The following BCAS3 variants were observed in gnomAD, a reference collection of about 807,000 sequenced individuals.
BCAS3 encodes the protein BCAS4/BCAS3 fusion.
A neutral mutation model predicts 116.1 loss-of-function variants in BCAS3; 53 were observed. That is an observed-to-expected ratio of 0.46 (90% CI 0.37 to 0.57). The LOEUF is 0.57. Ranked by LOEUF, BCAS3 falls within the 20% of genes least tolerant of loss-of-function variation. BCAS3 has a pLI of 0.00. For missense variants in BCAS3, 917 were observed against 1,165.4 expected (o/e 0.79, Z 3.10); for synonymous variants, 391 against 408.2 (o/e 0.96, Z 0.51).
At position 61,285,866 on chromosome 17, in the gene BCAS3, T is replaced by C. The variant is rs940186908; in HGVS notation, c.2426-82461T>C. Among the ~76,000 whole-genome samples, 6 of 152,294 alleles carry C rather than the reference T, an allele frequency of 3.9e-5. No homozygotes were observed. The highest frequency in any genetic ancestry group is 1.4e-4 in the African/African-American group (6 of 41,568). On this transcript the variant is annotated intron_variant, in intron 22 of 23. Coordinates refer to ENST00000407086, the MANE Select transcript of BCAS3 (RefSeq NM_017679.5). The surrounding 1 kb of genome is among the most constrained non-coding windows in gnomAD (Gnocchi z 5.4). ...CAGTCCCTACTTTAGGCGAATCAGC[T>C]TTAGTCCTCTAAATTCTAAAGCTCT...
At chr17:61,111,295 G>A (rs1349868456) in intron 22 of BCAS3, among the ~76,000 whole-genome samples, 9 of 151,878 alleles carry the variant, frequency 5.9e-5, no homozygotes, top group South Asian at 2.1e-4. Flanking sequence ...TCTGAGCTAC[G>A]GGAGGACATT....
rs1002039968 is a variant in BCAS3, at chr17:61,361,214, C to G, written c.2426-7113C>G. 4.0e-5 allele frequency among the ~76,000 whole-genome samples: 6 copies of G among 151,420 alleles called. No homozygotes were observed. The highest frequency in any genetic ancestry group is 1.5e-4 in the African/African-American group (6 of 41,214). On this transcript the variant is annotated intron_variant, in intron 22 of 23. Transcript: ENST00000407086. The surrounding 1 kb of genome is among the most constrained non-coding windows in gnomAD (Gnocchi z 6.5). ...GAATTAAAAAAAAAAAAAGAAAAGA[C>G]CCAGACGGAGTAGCAACTTGCCCAG...
At chr17:60,911,811 T>TA (rs2058530973) in intron 12 of BCAS3, among the ~76,000 whole-genome samples, 1 of 152,240 alleles carries the variant, frequency 6.6e-6, no homozygotes, top group Non-Finnish European at 1.5e-5. Context: ...AGTTGCAACT[T>TA]ACACAATTTA....
rs1442542613 is a variant in BCAS3, at chr17:61,362,482, C to G, written c.2426-5845C>G. 6.6e-6 allele frequency among the ~76,000 whole-genome samples: 1 copy of G among 152,204 alleles called. No individual in the cohort carries two copies. Among genetic ancestry groups the G allele is most frequent in the Non-Finnish European group, 1.5e-5 (1 of 68,042 alleles). ...CTTAAATAGCTAGAGTGTGATTAGA[C>G]ACTATCAGCTTAGAGGAGCATCCTA... is the stretch of plus-strand genomic sequence containing the variant. On this transcript the variant is annotated intron_variant, in intron 22 of 23. Transcript: ENST00000407086. This position sits in a 1 kb window ranked among gnomAD's most constrained non-coding sequence, Gnocchi z 4.4.
In BCAS3 at chr17:61,106,643, C is replaced by G. The variant is rs528334585; in HGVS notation, c.2425+22079C>G. On this transcript the variant is annotated intron_variant, in intron 22 of 23. Transcript: ENST00000407086. The surrounding 1 kb of genome is among the most constrained non-coding windows in gnomAD (Gnocchi z 4.2). ...TCCACTGGGGGTCTTGGAACGTATC[C>G]CCATAGATAAGGAGCGGGGGACAGT... Among the ~76,000 whole-genome samples, 20 of 152,178 alleles carry G rather than the reference C, an allele frequency of 1.3e-4. No individual in the cohort carries two copies. Among genetic ancestry groups the G allele is most frequent in the African/African-American group, 4.3e-4 (18 of 41,518 alleles).
At chr17:61,371,865 G>C (rs925171946) in intron 23 of BCAS3, among the ~76,000 whole-genome samples, 2 of 152,202 alleles carry the variant, frequency 1.3e-5, no homozygotes, top group African/African-American at 4.8e-5. Context: ...TGAAGTTTGA[G>C]AAGGTCAGTT....
intron 22 of BCAS3, among the ~76,000 whole-genome samples, chr17:61,138,374 A>G (rs2076755676): frequency 6.6e-6 from 1 of 152,226 alleles, no homozygotes; most frequent in Non-Finnish European, 1.5e-5. Context: ...TGGATTGAAT[A>G]AATTATCCAT....
chr17:60,768,867 G>A (rs2044370735), intron 6 of BCAS3, among the ~76,000 whole-genome samples: 1 of 152,180 alleles, frequency 6.6e-6, no homozygotes, highest in African/African-American at 2.4e-5. Flanking sequence ...AGCAGTGGTG[G>A]GCCAGGCATG....
intron 10 of BCAS3, among the ~76,000 whole-genome samples, chr17:60,899,531 T>G (rs1376534365): frequency 6.6e-6 from 1 of 152,042 alleles, no homozygotes; most frequent in East Asian, 1.9e-4. Context: ...GGAGTCTCGC[T>G]CTGTTGCCCA....
chr17:61,364,706 T>TCAAAACAAAA lies in BCAS3; in HGVS notation c.2426-3608_2426-3599dup, dbSNP rs1029301719. Among the ~76,000 whole-genome samples the TCAAAACAAAA allele has an allele frequency of 2.8e-4, 43 of 152,316 alleles. No homozygotes were observed. Among genetic ancestry groups the TCAAAACAAAA allele is most frequent in the African/African-American group, 1.0e-3 (43 of 41,570 alleles). On this transcript the variant is annotated intron_variant, in intron 22 of 23. Coordinates refer to ENST00000407086, the MANE Select transcript of BCAS3 (RefSeq NM_017679.5). The surrounding 1 kb of genome is among the most constrained non-coding windows in gnomAD (Gnocchi z 5.4). ...CTGGGCAAAAGAGTGAGACCCCGTC[T>TCAAAACAAAA]CAAAACAAAACAAAACAAAACAGTT...
chr17:60,938,174 G>T (rs1035422768), intron 13 of BCAS3, among the ~76,000 whole-genome samples: 2 of 152,130 alleles, frequency 1.3e-5, no homozygotes, highest in African/African-American at 4.8e-5. Context: ...AGTTACAGGC[G>T]TGAGCCACTG....
At chr17:61,159,018 C>T (rs2078016580) in intron 22 of BCAS3, among the ~76,000 whole-genome samples, 1 of 152,134 alleles carries the variant, frequency 6.6e-6, no homozygotes, top group South Asian at 2.1e-4. Context: ...TCATTTCAAG[C>T]ACAAACTTGT....
At chr17:60,771,355 C>T (rs937395498) in intron 6 of BCAS3, among the ~76,000 whole-genome samples, 2 of 151,842 alleles carry the variant, frequency 1.3e-5, no homozygotes, top group African/African-American at 2.4e-5. Context: ...GAGACCAATA[C>T]GTAGAAAAGC....
chr17:61,247,873 G>A (rs1267848566), intron 22 of BCAS3, among the ~76,000 whole-genome samples: 1 of 152,060 alleles, frequency 6.6e-6, no homozygotes, highest in Non-Finnish European at 1.5e-5. Context: ...CAGTCCTCTT[G>A]GGTTTGCTTC....
In BCAS3 at chr17:61,161,252, G is replaced by T. The variant is rs1189069587; in HGVS notation, c.2425+76688G>T. On this transcript the variant is annotated intron_variant, in intron 22 of 23. Transcript: ENST00000407086. This position sits in a 1 kb window ranked among gnomAD's most constrained non-coding sequence, Gnocchi z 4.8. ...TGAAACATTTTGGTTTGGCTGCCAA[G>T]TACATCCACATTTTGTTATAAATGT... Among the ~76,000 whole-genome samples the T allele has an allele frequency of 6.6e-6, 1 of 152,202 alleles. No individual in the cohort carries two copies. The highest frequency in any genetic ancestry group is 1.5e-5 in the Non-Finnish European group (1 of 68,048).
intron 5 of BCAS3, among the ~76,000 whole-genome samples, chr17:60,739,088 T>C (rs1330586568): frequency 6.6e-6 from 1 of 152,184 alleles, no homozygotes; most frequent in East Asian, 1.9e-4. Context: ...TTATAACCAA[T>C]GCATGCCCAC....
rs1200127301 is a variant in BCAS3 at position 61,181,898 on chromosome 17, C to T, written c.2425+97334C>T. 1.3e-5 allele frequency among the ~76,000 whole-genome samples: 2 copies of T among 150,312 alleles called. No homozygotes were observed. The highest frequency in any genetic ancestry group is 2.5e-5 in the African/African-American group (1 of 40,810). ...TCTTTTTTTTTTTAATCTTGAGACA[C>T]GGTCTCACTCCGCTGCCCAGGCTGG... On this transcript the variant is annotated intron_variant, in intron 22 of 23. Coordinates refer to ENST00000407086, the MANE Select transcript of BCAS3 (RefSeq NM_017679.5). This position sits in a 1 kb window ranked among gnomAD's most constrained non-coding sequence, Gnocchi z 5.0.
In BCAS3 at chr17:61,366,023, G is replaced by T. The variant is rs1004954703; in HGVS notation, c.2426-2304G>T. On this transcript the variant is annotated intron_variant, in intron 22 of 23. Transcript: ENST00000407086. This position sits in a 1 kb window ranked among gnomAD's most constrained non-coding sequence, Gnocchi z 4.5. ...CCAGGCATGATGGCACATGCTTGTA[G>T]TCCCAGCTACTCGGGAGGCTGAGAC... Among the ~76,000 whole-genome samples, 3 of 151,934 alleles carry T rather than the reference G, an allele frequency of 2.0e-5. No individual in the cohort carries two copies. The highest frequency in any genetic ancestry group is 4.4e-5 in the Non-Finnish European group (3 of 67,984).
intron 7 of BCAS3, among the ~76,000 whole-genome samples, chr17:60,854,233 C>T (rs1293721632): frequency 6.6e-6 from 1 of 152,090 alleles, no homozygotes; most frequent in East Asian, 1.9e-4. Flanking sequence ...TGAACTCATC[C>T]TTTTTTATGG....
Sources: gnomAD v4.1 joint callset for allele counts (sites outside exome capture counted in the v4.1 genomes callset) on GRCh38, gnomAD v4.1.1 for gene constraint, Gnocchi (gnomAD v3.1) non-coding constraint, MANE v1.5 for transcripts, NCBI Gene and HGNC (gene_info 2026-07-23, HGNC 2026-07-21) for gene names.